Variants in CROCC2 observed in about 807,000 individuals in gnomAD.
CROCC2 encodes the protein ciliary rootlet coiled-coil, rootletin family member 2, also known as ciliary rootlet coiled-coil protein 2.
A neutral mutation model predicts 177.6 loss-of-function variants in CROCC2; 163 were observed. The ratio of observed to expected loss-of-function variants is 0.92; its 90% CI spans 0.81 to 1.05. The LOEUF is 1.05. Among genes scored for constraint, CROCC2 ranks in the 50% least tolerant of loss-of-function variants. CROCC2 has a pLI of 0.00. For synonymous variants in CROCC2, 904 were observed against 787.3 expected (o/e 1.15, Z -2.48); for missense variants, 1,929 against 1,797.8 (o/e 1.07, Z -1.32).
intron 31 of CROCC2, among the ~76,000 whole-genome samples, chr2:240,991,641 G>A (rs555151746): frequency 6.6e-6 from 1 of 152,114 alleles, no homozygotes; most frequent in Non-Finnish European, 1.5e-5. Context: ...CTTCCCCTCC[G>A]GCAGAGAGCA....
At chr2:240,909,780 A>C (rs1559585859) in intron 1 of CROCC2, among the ~76,000 whole-genome samples, 2 of 152,110 alleles carry the variant, frequency 1.3e-5, no homozygotes, top group African/African-American at 4.8e-5. Flanking sequence ...AGTGATTGAG[A>C]TCTTGATGCC....
intron 18 of CROCC2, among the ~76,000 whole-genome samples, chr2:240,952,497 A>G (rs4610050): frequency 0.68 from 103,531 of 152,196 alleles, 36,019 homozygotes; most frequent in African/African-American, 0.82. Context: ...AATGCCTTGC[A>G]CAGGGTTGTG....
Position 240,967,373 on chromosome 2 carries a change from T to A in CROCC2, c.4175T>A (p.Leu1392Gln). 2 of 787,360 alleles carry A rather than the reference T, an allele frequency of 2.5e-6. 1 individual carries two copies. The highest frequency in any genetic ancestry group is 2.9e-5 in the South Asian group (2 of 68,720). 48.8% of individuals were successfully genotyped at this position (787,360 alleles called of 1,614,324 possible). ...GACTCCCGCATCCAGATGGCGACCC[T>A]GAGCAGCCGGCTGAGCGAGGCAGAG... ...RDDSRIQMAT[L>Q]SSRLSEAECR... The change falls in exon 26 of 32, where the codon CTG becomes CAG. Residue 1392 changes from leucine (L) to glutamine (Q), a missense_variant. Physicochemically the swap from Leu to Gln is moderately radical, Grantham distance 113. Around this residue, in one of 3 missense-constraint regions of CROCC2, gnomAD observed 388 missense variants for 352.7 expected, o/e 1.10. Transcript: ENST00000690015.
In CROCC2 at chr2:240,946,051, C is replaced by A; in HGVS notation, c.2170-9C>A. On this transcript the variant is annotated splice_polypyrimidine_tract_variant and intron_variant, in intron 14 of 31. Transcript: ENST00000690015. ...TCTCTGCCGACTGTCCCCTCCCCAC[C>A]TCCCCTAGGTCACATGCCAGAAACA... 2 of 1,486,756 alleles carry A rather than the reference C, an allele frequency of 1.3e-6. No individual in the cohort carries two copies. Among genetic ancestry groups the A allele is most frequent in the African/African-American group, 1.4e-5 (1 of 72,012 alleles). The allele number at this position is 1,486,756 out of a possible 1,614,324, so 92.1% of individuals were successfully genotyped here. A position where few individuals can be genotyped will look rare whatever the true frequency, so the allele number is the denominator to read the frequency against.
chr2:240,927,450 G>C (rs942702877), intron 5 of CROCC2, among the ~76,000 whole-genome samples: 5 of 152,048 alleles, frequency 3.3e-5, no homozygotes, highest in African/African-American at 4.8e-5. Flanking sequence ...CACAGTTCAC[G>C]GATTTGTTCT....
chr2:240,934,798 C>A, intron 12 of CROCC2, 118 bp from the exon 13 acceptor site: 1 of 1,170,166 alleles, frequency 8.5e-7, no homozygotes, highest in Non-Finnish European at 1.1e-6. Context: ...CCCACCATGT[C>A]CGCCCAAGAG....
In CROCC2 at chr2:240,949,052, G is replaced by A. The variant is rs2059538507; in HGVS notation, c.2437G>A (p.Glu813Lys). ...QLATKLQEQL[E>K]EEARSAGLAR... is the part of the protein sequence containing the mutation. Reference sequence around the variant, plus strand: ...GGCCACAAAGCTGCAGGAGCAGCTGGAGGAGGAAGCCCGGAGCGCAGGACT... The same window carrying A: ...GGCCACAAAGCTGCAGGAGCAGCTGAAGGAGGAAGCCCGGAGCGCAGGACT... Residue 813 changes from glutamate (E) to lysine (K), a missense_variant, in exon 16 of 32, where the codon GAG (glutamate) becomes AAG (lysine). By Grantham distance (56) the Glu-to-Lys change is moderately conservative. Coordinates refer to ENST00000690015, the MANE Select transcript of CROCC2 (RefSeq NM_001351305.2). The surrounding 1 kb of genome is among the most constrained non-coding windows in gnomAD (Gnocchi z 4.5). 2 of 1,549,322 alleles carry A rather than the reference G, an allele frequency of 1.3e-6. No individual in the cohort carries two copies. The highest frequency in any genetic ancestry group is 2.0e-5 in the Admixed American group (1 of 50,892).
intron 15 of CROCC2, 150 bp downstream of exon 15, chr2:240,946,403 A>G (rs1031585171): frequency 1.2e-6 from 1 of 835,126 alleles, no homozygotes. Context: ...GGAGGCGAGC[A>G]CAGAGCCTTT....
At chr2:240,950,552 C>G (rs1372481167) in intron 18 of CROCC2, 42 bp downstream of exon 18, 1 of 1,519,680 alleles carries the variant, frequency 6.6e-7, no homozygotes, top group Admixed American at 2.0e-5. Flanking sequence ...CTCACACCCA[C>G]TGCACCTGTC....
chr2:240,954,268 C>CA (rs2059575693), intron 18 of CROCC2, among the ~76,000 whole-genome samples: 1 of 152,202 alleles, frequency 6.6e-6, no homozygotes. Flanking sequence ...CCAGAGAGCA[C>CA]AGACCCCACA....
intron 20 of CROCC2, among the ~76,000 whole-genome samples, chr2:240,961,453 G>A (rs757164215): frequency 4.0e-5 from 6 of 151,464 alleles, no homozygotes; most frequent in Non-Finnish European, 7.4e-5. Flanking sequence ...ATGCACATAC[G>A]TAGTGCATGC....
chr2:240,935,857 A>G (rs1372886935), intron 14 of CROCC2, among the ~76,000 whole-genome samples: 1 of 152,228 alleles, frequency 6.6e-6, no homozygotes, highest in Non-Finnish European at 1.5e-5. Context: ...TGACTTCTGC[A>G]CACTGGGCTC....
chr2:240,937,833 T>G (rs1213857873), intron 14 of CROCC2, among the ~76,000 whole-genome samples: 1 of 152,162 alleles, frequency 6.6e-6, no homozygotes, highest in Non-Finnish European at 1.5e-5. Flanking sequence ...GGGGCCAGAT[T>G]TCTCCCTTGC....
chr2:240,910,459 C>T (rs2059280386), intron 1 of CROCC2, among the ~76,000 whole-genome samples: 1 of 152,210 alleles, frequency 6.6e-6, no homozygotes, highest in African/African-American at 2.4e-5. Flanking sequence ...TTGAAATTGG[C>T]AAAAGTTGTT....
chr2:240,950,780 T>C (rs1388969328), intron 18 of CROCC2: 20 of 408,742 alleles, frequency 4.9e-5, no homozygotes, highest in African/African-American at 1.5e-4. Flanking sequence ...TCCATCCATC[T>C]CTCCATCCAT....
Position 240,993,153 on chromosome 2 carries a change from A to G in CROCC2, c.*72A>G, listed in dbSNP as rs1368249073. ...AACGCACCGCAGGTGGGAGGGGCCC[A>G]GCTGATTTCTCAGCGTCACAGTGAA... On this transcript the variant is annotated 3_prime_UTR_variant, in exon 32 of 32. Coordinates refer to ENST00000690015, the MANE Select transcript of CROCC2 (RefSeq NM_001351305.2). The G allele has an allele frequency of 1.4e-6, 1 of 705,036 alleles. No individual in the cohort carries two copies. Among genetic ancestry groups the G allele is most frequent in the African/African-American group, 1.8e-5 (1 of 56,854 alleles). The allele number at this position is 705,036 out of a possible 1,614,324, so 43.7% of individuals were successfully genotyped here. A position where few individuals can be genotyped will look rare whatever the true frequency, so the allele number is the denominator to read the frequency against.
chr2:240,949,000 G>T lies in CROCC2; in HGVS notation c.2385G>T (p.Glu795Asp). The T allele has an allele frequency of 3.2e-6, 5 of 1,550,346 alleles. No homozygotes were observed. Among genetic ancestry groups the T allele is most frequent in the South Asian group, 1.2e-5 (1 of 84,042 alleles). ...GCAGGGTGGAGAGGGACTCCCTGGA[G>T]AGCAGCCTCCTTGAGGCCCAACAGC... ...ADLRVERDSL[E>D]SSLLEAQQLA... Residue 795 changes from glutamate (E) to aspartate (D), a missense_variant, in exon 16 of 32, where the codon GAG becomes GAT. By Grantham distance (45) the Glu-to-Asp change is conservative. Around this residue, in one of 3 missense-constraint regions of CROCC2, gnomAD observed 1,397 missense variants for 1,239.9 expected, o/e 1.13. Coordinates refer to ENST00000690015, the MANE Select transcript of CROCC2 (RefSeq NM_001351305.2).
chr2:240,969,222 A>G (rs939010110), intron 27 of CROCC2, among the ~76,000 whole-genome samples: 1 of 152,210 alleles, frequency 6.6e-6, no homozygotes, highest in Non-Finnish European at 1.5e-5. Flanking sequence ...AGGTTGGCAG[A>G]AAGGCCCCAA....
intron 22 of CROCC2, 97 bp downstream of exon 22, chr2:240,964,722 C>T: frequency 7.1e-7 from 1 of 1,403,246 alleles, no homozygotes; most frequent in Non-Finnish European, 9.5e-7. Context: ...GGCCTTGCTG[C>T]CGCCTTTGAA....
Sources: gnomAD v4.1 joint callset for allele counts (sites outside exome capture counted in the v4.1 genomes callset) on GRCh38, gnomAD v4.1.1 for gene constraint, gnomAD v4.1.1 regional missense constraint, Gnocchi (gnomAD v3.1) non-coding constraint, MANE v1.5 for transcripts, NCBI Gene and HGNC (gene_info 2026-07-23, HGNC 2026-07-21) for gene names.